Variants in CREB5 observed in about 807,000 individuals in gnomAD.
CREB5 encodes cAMP responsive element binding protein 5.
CREB5 carries 19 observed loss-of-function variants against 57.1 expected under a neutral mutation model. The ratio of observed to expected loss-of-function variants is 0.33; its 90% CI spans 0.23 to 0.49. CREB5 has a LOEUF of 0.49. CREB5 is among the 20% of genes least tolerant of loss of function. The pLI, the probability that CREB5 is intolerant of heterozygous loss-of-function variation, is 0.99. For missense variants in CREB5, 579 were observed against 671.6 expected (o/e 0.86, Z 1.52); for synonymous variants, 238 against 238.3 (o/e 1.00, Z 0.01).
intron 1 of CREB5, among the ~76,000 whole-genome samples, chr7:28,317,043 A>G (rs2030891764): frequency 1.3e-5 from 2 of 150,310 alleles, no homozygotes; most frequent in Non-Finnish European, 3.0e-5. Context: ...GGCATACTTG[A>G]TACTTATAGA....
chr7:28,526,044 C>T (rs1319443427), intron 4 of CREB5, among the ~76,000 whole-genome samples: 1 of 152,170 alleles, frequency 6.6e-6, no homozygotes, highest in African/African-American at 2.4e-5. Context: ...GGAAATTAGG[C>T]AAATACTCTA....
At chr7:28,810,529 C>G (rs1170082517) in intron 9 of CREB5, among the ~76,000 whole-genome samples, 2 of 151,962 alleles carry the variant, frequency 1.3e-5, no homozygotes, top group African/African-American at 4.8e-5. Context: ...CCCGTCTCTA[C>G]TAAAAACACA....
chr7:28,327,298 C>T (rs543338839), intron 1 of CREB5, among the ~76,000 whole-genome samples: 41 of 152,190 alleles, frequency 2.7e-4, no homozygotes, highest in Admixed American at 1.3e-3. Context: ...TAAATTTTGG[C>T]TCCAAGAAAT....
intron 1 of CREB5, among the ~76,000 whole-genome samples, chr7:28,396,480 T>C (rs748515818): frequency 6.6e-6 from 1 of 152,204 alleles, no homozygotes; most frequent in Non-Finnish European, 1.5e-5. Flanking sequence ...TCTATATCAG[T>C]GTCATTTAAA....
At position 28,660,711 on chromosome 7, in the gene CREB5, C is replaced by T. The variant is rs1167414340; in HGVS notation, c.465-58042C>T. ...ATATGGAATTATGCCCCCACCCCTT[C>T]ACCTTTTCCTCCCTTTCTTCTTCTT... On this transcript the variant is annotated intron_variant, in intron 5 of 10. Coordinates refer to ENST00000357727, the MANE Select transcript of CREB5 (RefSeq NM_182898.4). Among the ~76,000 whole-genome samples, 4 of 152,142 alleles carry T rather than the reference C, an allele frequency of 2.6e-5. No individual in the cohort carries two copies. The South Asian group carries it at 6.2e-4, about 24-fold the overall frequency.
intron 1 of CREB5, among the ~76,000 whole-genome samples, chr7:28,460,804 G>A (rs1259183800): frequency 6.6e-6 from 1 of 152,080 alleles, no homozygotes; most frequent in Non-Finnish European, 1.5e-5. Flanking sequence ...AGTTGTCGGG[G>A]GAAGAGAGAG....
intron 5 of CREB5, among the ~76,000 whole-genome samples, chr7:28,710,512 A>G (rs929688847): frequency 2.0e-5 from 3 of 152,268 alleles, no homozygotes; most frequent in East Asian, 1.9e-4. Context: ...GAATTGCTAG[A>G]TGCTATGGTG....
At chr7:28,337,964 A>G (rs899031449) in intron 1 of CREB5, among the ~76,000 whole-genome samples, 3 of 152,186 alleles carry the variant, frequency 2.0e-5, no homozygotes, top group Non-Finnish European at 2.9e-5. Flanking sequence ...GACTGCATAA[A>G]CAAACTAAAA....
chr7:28,429,497 G>A (rs984822863), intron 1 of CREB5, among the ~76,000 whole-genome samples: 8 of 152,102 alleles, frequency 5.3e-5, no homozygotes, highest in African/African-American at 1.9e-4. Flanking sequence ...CACTTGATGC[G>A]TCGCACCTCC....
At chr7:28,582,491 G>A (rs1796157318) in intron 5 of CREB5, among the ~76,000 whole-genome samples, 1 of 152,104 alleles carries the variant, frequency 6.6e-6, no homozygotes, top group Non-Finnish European at 1.5e-5. Context: ...CTTATGATAG[G>A]AAGCTTGTTT....
chr7:28,792,689 C>T (rs1350858660), intron 7 of CREB5, among the ~76,000 whole-genome samples: 1 of 152,200 alleles, frequency 6.6e-6, no homozygotes, highest in Non-Finnish European at 1.5e-5. Flanking sequence ...ATTCTGGCTT[C>T]CTTGAGCACA....
At chr7:28,641,808 T>C (rs991830594) in intron 5 of CREB5, among the ~76,000 whole-genome samples, 12 of 152,218 alleles carry the variant, frequency 7.9e-5, no homozygotes, top group Non-Finnish European at 1.6e-4. Context: ...TTTCATTCCT[T>C]ACCTTCTGCT....
In CREB5 at chr7:28,580,384, G is replaced by A. The variant is rs929701482; in HGVS notation, c.464+9847G>A. Among the ~76,000 whole-genome samples the A allele has an allele frequency of 2.7e-5, 4 of 150,158 alleles. No individual in the cohort carries two copies. In the South Asian group the frequency reaches 8.6e-4, roughly 32 times the overall value. On this transcript the variant is annotated intron_variant, in intron 5 of 10. Transcript: ENST00000357727. ...ATGAGGGGTGTCTGTGTGTGTGGGGGGGGCATGTGGTGTCAACTGCTAGAT... is the reference window on the plus strand; with the variant it reads ...ATGAGGGGTGTCTGTGTGTGTGGGGAGGGCATGTGGTGTCAACTGCTAGAT...
intron 2 of CREB5, among the ~76,000 whole-genome samples, chr7:28,492,149 GC>G (rs559964688): frequency 5.3e-4 from 81 of 152,256 alleles, no homozygotes; most frequent in Middle Eastern, 6.8e-3. Flanking sequence ...ACAGGCACTT[GC>G]CACCACGCCT....
rs1345224760 is a variant in CREB5, at chr7:28,327,174, C to CTGTATTA, written c.-25+27733_-25+27734insTGTATTA. Among the ~76,000 whole-genome samples, 796 of 137,298 alleles carry CTGTATTA rather than the reference C, an allele frequency of 5.8e-3. 2 individuals carry two copies. The highest frequency in any genetic ancestry group is 0.02 in the Middle Eastern group (5 of 246). The allele number at this position is 137,298 out of a possible 152,430, so 90.1% of individuals were successfully genotyped here. On this transcript the variant is annotated intron_variant, in intron 1 of 9. Coordinates refer to the CREB5 transcript ENST00000396299. ...AAAAAAAAAAAAAAAAAAAAGGAAA[C>CTGTATTA]CGTATTTAGTAGATTTTATCTGAAT...
intron 1 of CREB5, among the ~76,000 whole-genome samples, chr7:28,415,354 A>G (rs1482862169): frequency 6.6e-6 from 1 of 152,154 alleles, no homozygotes; most frequent in Non-Finnish European, 1.5e-5. Context: ...CCAGGCTGAG[A>G]AGCCTGGTCC....
At chr7:28,694,628 C>T (rs1286072893) in intron 5 of CREB5, among the ~76,000 whole-genome samples, 4 of 152,178 alleles carry the variant, frequency 2.6e-5, no homozygotes, top group Admixed American at 6.5e-5. Context: ...ACTGCAGCCT[C>T]GAACTCTTGG....
Position 28,724,206 on chromosome 7 carries a change from C to A in CREB5, c.592-16C>A, listed in dbSNP as rs750116009. 4.5e-5 allele frequency: 72 copies of A among 1,607,350 alleles called. No homozygotes were observed. Among genetic ancestry groups the A allele is most frequent in the South Asian group, 8.8e-5 (8 of 90,532 alleles). On this transcript the variant is annotated splice_polypyrimidine_tract_variant and intron_variant, in intron 6 of 10. Coordinates refer to ENST00000357727, the MANE Select transcript of CREB5 (RefSeq NM_182898.4). ...GCCTTTGCAGACTTCTAATTCTTTTCTTTCCTTTCTCTTAGATGGAGCGAC... is the reference window on the plus strand; with the variant it reads ...GCCTTTGCAGACTTCTAATTCTTTTATTTCCTTTCTCTTAGATGGAGCGAC...
At chr7:28,623,463 G>A (rs911462490) in intron 5 of CREB5, among the ~76,000 whole-genome samples, 3 of 152,148 alleles carry the variant, frequency 2.0e-5, no homozygotes, top group African/African-American at 2.4e-5. Flanking sequence ...CTCTGTTTGC[G>A]AGGGTTAAAT....
Sources: allele counts gnomAD v4.1 joint callset (sites outside exome capture counted in the v4.1 genomes callset), GRCh38; gene constraint gnomAD v4.1.1; transcripts MANE v1.5; gene names NCBI Gene and HGNC (gene_info 2026-07-23, HGNC 2026-07-21).